The following P2RY8 variants were observed in gnomAD, a reference collection of about 807,000 sequenced individuals.
P2RY8 encodes S-geranylgeranyl-glutathione receptor P2RY8.
Under a neutral mutation model 10.0 loss-of-function variants are expected in P2RY8, and 6 were observed. The observed-to-expected ratio is 0.60, with a 90% CI of 0.33 to 1.19. The LOEUF (loss-of-function observed/expected upper bound fraction) is 1.19. Among genes scored for constraint, P2RY8 ranks in the 50% most tolerant of loss-of-function variants. The pLI, the probability that P2RY8 is intolerant of heterozygous loss-of-function variation, is 0.04. For synonymous variants in P2RY8, 276 were observed against 252.5 expected (o/e 1.09, Z -0.88); for missense variants, 456 against 542.0 (o/e 0.84, Z 1.58).
chrX:1,468,375 C>G (rs1240922600), intron 1 of P2RY8, among the ~76,000 whole-genome samples: 1 of 152,230 alleles, frequency 6.6e-6, no homozygotes, highest in African/African-American at 2.4e-5. Flanking sequence ...GGGGATCCAG[C>G]AAGCAGCCTC....
chrX:1,473,749 GAA>G (rs2091833116), intron 1 of P2RY8, among the ~76,000 whole-genome samples: 1 of 129,422 alleles, frequency 7.7e-6, no homozygotes, highest in African/African-American at 2.8e-5. Context: ...GATGGATGAT[GAA>G]TGGATGGGGA....
rs1201683452 is a variant in P2RY8 at position 1,508,704 on chromosome X, T to TCCATCCATCCATCCATCCATCCA, written c.-25+28216_-25+28217insTGGATGGATGGATGGATGGATGG. ...CATCATCCATCCATCCATCCATCCA[T>TCCATCCATCCATCCATCCATCCA]TCTATCTATCTATCTATCTATCTAT... On this transcript the variant is annotated intron_variant, in intron 1 of 1. Transcript: ENST00000381297. Among the ~76,000 whole-genome samples, 8 of 112,082 alleles carry TCCATCCATCCATCCATCCATCCA rather than the reference T, an allele frequency of 7.1e-5. 1 individual carries two copies. The highest frequency in any genetic ancestry group is 2.9e-4 in the South Asian group (1 of 3,454). 73.5% of individuals were successfully genotyped at this position (112,082 alleles called of 152,430 possible).
intron 1 of P2RY8, among the ~76,000 whole-genome samples, chrX:1,493,154 G>GTC (rs1398074908): frequency 6.7e-6 from 1 of 149,930 alleles, no homozygotes; most frequent in African/African-American, 2.5e-5. Flanking sequence ...CGGGCGTTGG[G>GTC]GTGGGCGCCT....
At position 1,464,694 on chromosome X, in the gene P2RY8, T is replaced by C. The variant is rs1231142159; in HGVS notation, c.*785A>G. 4 of 232,982 alleles carry C rather than the reference T, an allele frequency of 1.7e-5. No homozygotes were observed. The highest frequency in any genetic ancestry group is 3.4e-5 in the Non-Finnish European group (4 of 118,144). The allele number at this position is 232,982 out of a possible 1,614,324, so 14.4% of individuals were successfully genotyped here. A position where few individuals can be genotyped will look rare whatever the true frequency, so the allele number is the denominator to read the frequency against. The stretch of plus-strand genomic sequence containing the variant: ...GGGCCTGATGGGACCTCCTTCTCTA[T>C]CAGGGACTCACAGAAGCAGAATAGG... On this transcript the variant is annotated 3_prime_UTR_variant, in exon 2 of 2. Transcript: ENST00000381297.
At chrX:1,506,220 T>G (rs2149400461) in intron 1 of P2RY8, among the ~76,000 whole-genome samples, 1 of 152,228 alleles carries the variant, frequency 6.6e-6, no homozygotes, top group African/African-American at 2.4e-5. Flanking sequence ...CTCGAACTCC[T>G]GACCTTAGAC....
At position 1,501,495 on chromosome X, in the gene P2RY8, G is replaced by A. The variant is rs758265111; in HGVS notation, c.-24-34913C>T. Among the ~76,000 whole-genome samples the A allele has an allele frequency of 5.3e-5, 8 of 152,172 alleles. No homozygotes were observed. In the South Asian group the frequency reaches 1.7e-3, roughly 32 times the overall value. ...TCCCACCTCAGCCTCCTGAGCAGCT[G>A]GGACCACAGGTGCTCACCACCATGG... is the stretch of plus-strand genomic sequence containing the variant. On this transcript the variant is annotated intron_variant, in intron 1 of 1. Transcript: ENST00000381297.
Position 1,465,424 on chromosome X carries a change from G to C in P2RY8, c.*55C>G. On this transcript the variant is annotated 3_prime_UTR_variant, in exon 2 of 2. Transcript: ENST00000381297. ...ACCTCTGGCACCGTGGCCTCTCCAT[G>C]CGCCCCTGGATCTCCAAGCTGCGCC... The C allele has an allele frequency of 6.5e-7, 1 of 1,541,448 alleles. No homozygotes were observed. Among genetic ancestry groups the C allele is most frequent in the South Asian group, 1.2e-5 (1 of 80,034 alleles).
At position 1,466,415 on chromosome X, in the gene P2RY8, C is replaced by T. The variant is rs2091677211; in HGVS notation, c.144G>A (p.Leu48=). The stretch of plus-strand genomic sequence containing the variant: ...GGGATCTGGGCCCCATGCGCCGGCA[C>T]AGCACCCACAGAGAGAAGAGGTTGC... ...IPGNLFSLWV[L]CRRMGPRSPS... is the part of the protein sequence containing the mutation. The change falls in exon 2 of 2, where the codon CTG becomes CTA. Residue 48 remains leucine, a synonymous_variant. Coordinates refer to ENST00000381297, the MANE Select transcript of P2RY8 (RefSeq NM_178129.5). 1.2e-6 allele frequency: 2 copies of T among 1,613,328 alleles called. No individual in the cohort carries two copies. Among genetic ancestry groups the T allele is most frequent in the Non-Finnish European group, 1.7e-6 (2 of 1,179,858 alleles).
At chrX:1,489,567 A>C (rs1469653553) in intron 1 of P2RY8, among the ~76,000 whole-genome samples, 1 of 152,178 alleles carries the variant, frequency 6.6e-6, no homozygotes, top group African/African-American at 2.4e-5. Flanking sequence ...ATGTAGAGAG[A>C]ATGAATGAAT....
chrX:1,498,330 T>C (rs62603023), intron 1 of P2RY8, among the ~76,000 whole-genome samples: 47,859 of 135,812 alleles, frequency 0.35, 9,030 homozygotes, highest in Non-Finnish European at 0.44. Flanking sequence ...GGCGTGAACC[T>C]GGGAGGCGGA....
At chrX:1,488,901 T>A (rs1437049261) in intron 1 of P2RY8, among the ~76,000 whole-genome samples, 1 of 152,034 alleles carries the variant, frequency 6.6e-6, no homozygotes, top group African/African-American at 2.4e-5. Context: ...AGGGAATGAA[T>A]GAATGATACC....
intron 1 of P2RY8, among the ~76,000 whole-genome samples, chrX:1,467,565 C>A (rs1260933177): frequency 2.0e-4 from 30 of 152,316 alleles, no homozygotes; most frequent in Non-Finnish European, 3.5e-4. Flanking sequence ...GAAGGAGAGA[C>A]GCTTTATCCA....
chrX:1,509,244 A>G (rs1199020158), intron 1 of P2RY8, among the ~76,000 whole-genome samples: 1 of 147,884 alleles, frequency 6.8e-6, no homozygotes, highest in Non-Finnish European at 1.5e-5. Flanking sequence ...TCTATCATCT[A>G]TGTATCTATC....
At chrX:1,509,239 C>CT (rs2092271355) in intron 1 of P2RY8, among the ~76,000 whole-genome samples, 1 of 149,168 alleles carries the variant, frequency 6.7e-6, no homozygotes, top group Non-Finnish European at 1.5e-5. Flanking sequence ...ATCTCTCTAT[C>CT]ATCTATGTAT....
At position 1,466,075 on chromosome X, in the gene P2RY8, C is replaced by T. The variant is rs780048118; in HGVS notation, c.484G>A (p.Asp162Asn). 1.2e-6 allele frequency: 2 copies of T among 1,611,492 alleles called. No individual in the cohort carries two copies. Among genetic ancestry groups the T allele is most frequent in the Non-Finnish European group, 1.7e-6 (2 of 1,179,698 alleles). The part of the protein sequence containing the change: ...LTALSPLART[D>N]LTYPVHALGI... Reference sequence around the variant, plus strand: ...AGGGCGTGCACCGGGTAGGTGAGATCGGTGCGCGCCAGCGGGGACAGGGCG... The same window carrying T: ...AGGGCGTGCACCGGGTAGGTGAGATTGGTGCGCGCCAGCGGGGACAGGGCG... Residue 162 changes from aspartate (D) to asparagine (N), a missense_variant, in exon 2 of 2, where the codon GAT becomes AAT. Coordinates refer to ENST00000381297, the MANE Select transcript of P2RY8 (RefSeq NM_178129.5).
At chrX:1,491,504 G>C (rs2092049356) in intron 1 of P2RY8, among the ~76,000 whole-genome samples, 1 of 152,210 alleles carries the variant, frequency 6.6e-6, no homozygotes, top group Non-Finnish European at 1.5e-5. Context: ...AAAGTGGAGT[G>C]AATAAATGAA....
chrX:1,476,886 G>A (rs1169149629), intron 1 of P2RY8, among the ~76,000 whole-genome samples: 1 of 152,042 alleles, frequency 6.6e-6, no homozygotes, highest in Non-Finnish European at 1.5e-5. Flanking sequence ...AACCTGGCAT[G>A]AGCATAAGAA....
chrX:1,489,436 G>T (rs6645234), intron 1 of P2RY8, among the ~76,000 whole-genome samples: 41,847 of 149,576 alleles, frequency 0.28, 5,625 homozygotes, highest in Middle Eastern at 0.43. Flanking sequence ...TAGAGAGAAT[G>T]AATATCACTC....
intron 1 of P2RY8, among the ~76,000 whole-genome samples, chrX:1,497,598 C>T (rs7051586): frequency 0.29 from 44,668 of 151,600 alleles, 6,824 homozygotes; most frequent in Middle Eastern, 0.38. Context: ...GCGGAGGTTG[C>T]GGTGAGCCGA....
Sources: gnomAD v4.1 joint callset for allele counts (sites outside exome capture counted in the v4.1 genomes callset) on GRCh38, gnomAD v4.1.1 for gene constraint, MANE v1.5 for transcripts, NCBI Gene and HGNC (gene_info 2026-07-23, HGNC 2026-07-21) for gene names.